The following KHDRBS2 variants were observed in gnomAD, a reference collection of about 807,000 sequenced individuals.
KHDRBS2 encodes the protein KH domain-containing, RNA-binding, signal transduction-associated protein 2.
A neutral mutation model predicts 44.3 loss-of-function variants in KHDRBS2; 26 were observed. That is an observed-to-expected ratio of 0.59 (90% CI 0.43 to 0.81). The LOEUF (loss-of-function observed/expected upper bound fraction) is 0.81, where lower values mean the gene tolerates loss of function less well. KHDRBS2 is among the 40% of genes least tolerant of loss of function. The pLI is 0.00. For missense variants in KHDRBS2, 476 were observed against 433.1 expected (o/e 1.10, Z -0.88); for synonymous variants, 194 against 151.1 (o/e 1.28, Z -2.08).
At chr6:62,189,103 C>A (rs969995574) in intron 1 of KHDRBS2, among the ~76,000 whole-genome samples, 1 of 150,998 alleles carries the variant, frequency 6.6e-6, no homozygotes, top group Non-Finnish European at 1.5e-5. Flanking sequence ...AGCGACAGAG[C>A]AAGAGTCTGT....
chr6:61,640,542 C>T, the KHDRBS2 span, among the ~76,000 whole-genome samples: 4 of 152,030 alleles, frequency 2.6e-5, no homozygotes, highest in East Asian at 7.7e-4. Context: ...CTATTGAATG[C>T]TTAGTGAGTC....
At chr6:62,016,629 G>C (rs1166728028) in intron 3 of KHDRBS2, among the ~76,000 whole-genome samples, 3 of 148,716 alleles carry the variant, frequency 2.0e-5, no homozygotes, top group Non-Finnish European at 4.5e-5. Flanking sequence ...ATATATACTT[G>C]GATATTAATA....
intron 2 of KHDRBS2, among the ~76,000 whole-genome samples, chr6:62,068,669 G>A (rs546756337): frequency 6.6e-6 from 1 of 151,438 alleles, no homozygotes. Flanking sequence ...AGTTAGTTTT[G>A]GTGCATGGTG....
intron 6 of KHDRBS2, among the ~76,000 whole-genome samples, chr6:61,892,399 T>C (rs569153624): frequency 1.4e-3 from 209 of 152,224 alleles, no homozygotes; most frequent in African/African-American, 4.8e-3. Context: ...TGGAAAAAAC[T>C]ACTTTAAAGT....
intron 1 of KHDRBS2, among the ~76,000 whole-genome samples, chr6:62,283,885 C>A (rs1842125867): frequency 6.6e-6 from 1 of 152,088 alleles, no homozygotes; most frequent in African/African-American, 2.4e-5. Context: ...ATTATTATAA[C>A]CTCCTCCATT....
chr6:61,721,540 A>G (rs1396077757), intron 7 of KHDRBS2, among the ~76,000 whole-genome samples: 3 of 140,874 alleles, frequency 2.1e-5, no homozygotes, highest in African/African-American at 7.7e-5. Context: ...TCTTTGAAGC[A>G]ATTGTGAATG....
chr6:61,764,919 G>A (rs1779776103), intron 6 of KHDRBS2, among the ~76,000 whole-genome samples: 1 of 151,454 alleles, frequency 6.6e-6, no homozygotes, highest in African/African-American at 2.4e-5. Flanking sequence ...CATTTCAGGT[G>A]TGCATTGTTG....
rs879148426 is a variant in KHDRBS2, at chr6:62,286,181, C to T, written c.-233G>A. The T allele has an allele frequency of 4.8e-5, 26 of 537,478 alleles. No individual in the cohort carries two copies. The highest frequency in any genetic ancestry group is 3.0e-4 in the South Asian group (13 of 43,420). The allele number at this position is 537,478 out of a possible 1,614,324, so 33.3% of individuals were successfully genotyped here. ...CCGTCGTCCCTCGCTCGCGCAGAGC[C>T]CCGGCTCACACCAGCGGCCTTAACT... On this transcript the variant is annotated 5_prime_UTR_variant, in exon 1 of 9. Coordinates refer to ENST00000281156, the MANE Select transcript of KHDRBS2 (RefSeq NM_152688.4).
At chr6:61,574,280 G>T in the KHDRBS2 span, 3 of 1,349,988 alleles carry the variant, frequency 2.2e-6, no homozygotes. Flanking sequence ...TACCCTAACC[G>T]TGCAAAGGTA....
At chr6:61,907,809 C>T (rs1805298015) in intron 4 of KHDRBS2, among the ~76,000 whole-genome samples, 1 of 152,094 alleles carries the variant, frequency 6.6e-6, no homozygotes, top group South Asian at 2.1e-4. Flanking sequence ...TTGAATTAAT[C>T]TTCATTCATT....
chr6:62,212,243 AAC>A (rs1829182762), intron 1 of KHDRBS2, among the ~76,000 whole-genome samples: 1 of 152,276 alleles, frequency 6.6e-6, no homozygotes, highest in South Asian at 2.1e-4. Context: ...ATATATGTAA[AAC>A]ACAAACTAAA....
At chr6:62,027,807 C>T (rs543510309) in intron 3 of KHDRBS2, among the ~76,000 whole-genome samples, 4 of 152,058 alleles carry the variant, frequency 2.6e-5, no homozygotes, top group Admixed American at 1.3e-4. Context: ...AAGTTCTATG[C>T]CTTTTCCCCA....
At chr6:61,909,966 A>G (rs1044863530) in intron 4 of KHDRBS2, among the ~76,000 whole-genome samples, 13 of 152,252 alleles carry the variant, frequency 8.5e-5, no homozygotes, top group African/African-American at 3.1e-4. Flanking sequence ...CAGCTCTGGC[A>G]ATGCCAAGAC....
chr6:61,874,030 C>T (rs116397454), intron 6 of KHDRBS2, among the ~76,000 whole-genome samples: 5 of 151,824 alleles, frequency 3.3e-5, no homozygotes, highest in Admixed American at 1.3e-4. Flanking sequence ...TATGAACTCT[C>T]TCTATATATA....
intron 6 of KHDRBS2, among the ~76,000 whole-genome samples, chr6:61,849,600 G>A (rs1795148735): frequency 6.6e-6 from 1 of 151,062 alleles, no homozygotes; most frequent in East Asian, 1.9e-4. Flanking sequence ...CTTTTCAGTG[G>A]CCTGACAAGT....
chr6:62,110,043 A>T (rs376994190), intron 2 of KHDRBS2, among the ~76,000 whole-genome samples: 1 of 151,958 alleles, frequency 6.6e-6, no homozygotes, highest in Non-Finnish European at 1.5e-5. Context: ...ATTGATCTTC[A>T]TCAAAATTAA....
At chr6:61,659,912 T>A in the KHDRBS2 span, among the ~76,000 whole-genome samples, 31 of 151,738 alleles carry the variant, frequency 2.0e-4, 1 homozygote, top group East Asian at 1.9e-3. Context: ...ATGGGGGAAA[T>A]AAAATACTTG....
At chr6:61,717,448 C>T (rs1457002917) in intron 7 of KHDRBS2, among the ~76,000 whole-genome samples, 1 of 152,018 alleles carries the variant, frequency 6.6e-6, no homozygotes, top group Non-Finnish European at 1.5e-5. Flanking sequence ...ATGCAGAGGT[C>T]TGTAGATGGC....
chr6:62,131,898 A>T (rs1322058945), intron 2 of KHDRBS2, among the ~76,000 whole-genome samples: 3 of 152,204 alleles, frequency 2.0e-5, no homozygotes, highest in Non-Finnish European at 4.4e-5. Context: ...GTTCTGAATG[A>T]GTATGTGAAA....
Sources: allele counts gnomAD v4.1 joint callset (sites outside exome capture counted in the v4.1 genomes callset), GRCh38; gene constraint gnomAD v4.1.1; transcripts MANE v1.5; gene names NCBI Gene and HGNC (gene_info 2026-07-23, HGNC 2026-07-21).